GABRG2: variants seen among roughly 807,000 people sequenced by gnomAD.
GABRG2 encodes gamma-aminobutyric acid type A receptor subunit gamma2.
A neutral mutation model predicts 56.4 loss-of-function variants in GABRG2; 16 were observed. That is an observed-to-expected ratio of 0.28 (90% CI 0.19 to 0.43). The LOEUF (loss-of-function observed/expected upper bound fraction) is 0.43. Among genes scored for constraint, GABRG2 ranks in the 20% least tolerant of loss-of-function variants. The probability of loss-of-function intolerance (pLI) is 1.00; values close to 1 mark genes in which losing one functional copy is unlikely to be tolerated. For missense variants in GABRG2, 327 were observed against 582.7 expected, an observed-to-expected ratio of 0.56 and a Z score of 4.52; for synonymous variants, 208 against 205.5, an observed-to-expected ratio of 1.01 and a Z score of -0.10.
intron 8 of GABRG2, 166 bp from the exon 9 acceptor site, chr5:162,151,557 ACTTTATC>A: frequency 1.7e-6 from 1 of 579,450 alleles, no homozygotes; most frequent in Non-Finnish European, 3.0e-6. Context: ...TTAAGCAAAT[ACTTTATC>A]CCAAGCTCAG....
rs1760931144 is a variant in GABRG2 at position 162,095,478 on chromosome 5, T to A, written c.260-17T>A. On this transcript the variant is annotated splice_polypyrimidine_tract_variant and intron_variant, in intron 2 of 9. Transcript: ENST00000639213. Reference sequence around the variant, plus strand: ...GCACCTCTCTATGTGCACACATTTCTATGTTTCTCTTTACAGTGAAGCCAA... The same window carrying A: ...GCACCTCTCTATGTGCACACATTTCAATGTTTCTCTTTACAGTGAAGCCAA... 6.5e-7 allele frequency: 1 copy of A among 1,546,212 alleles called. No homozygotes were observed.
chr5:162,112,136 T>G (rs1369591844), intron 6 of GABRG2, among the ~76,000 whole-genome samples: 1 of 152,228 alleles, frequency 6.6e-6, no homozygotes, highest in South Asian at 2.1e-4. Context: ...TTGTGAAAAC[T>G]TGTTCTTTGA....
chr5:162,141,957 A>C (rs1764599050), intron 6 of GABRG2, among the ~76,000 whole-genome samples: 1 of 152,168 alleles, frequency 6.6e-6, no homozygotes, highest in African/African-American at 2.4e-5. Flanking sequence ...TCTAGTAGAC[A>C]AATTGCTCTA....
Position 162,125,705 on chromosome 5 carries a change from G to A in GABRG2, c.770-16459G>A, listed in dbSNP as rs375820971. Among the ~76,000 whole-genome samples, 581 of 151,760 alleles carry A rather than the reference G, an allele frequency of 3.8e-3. 6 individuals are homozygous for A. The highest frequency in any genetic ancestry group is 0.013 in the African/African-American group (547 of 41,458). ...CAAAGTGGTGGTTTGTCAGATGAAC[G>A]TAATAAAAGACAGGAGAATTGAGGG... On this transcript the variant is annotated intron_variant, in intron 6 of 9. Coordinates refer to ENST00000639213, the MANE Select transcript of GABRG2 (RefSeq NM_198904.4).
Position 162,153,463 on chromosome 5 carries a change from A to G in GABRG2, c.*95A>G, listed in dbSNP as rs2113652184. 7.2e-7 allele frequency: 1 copy of G among 1,383,638 alleles called. No individual in the cohort carries two copies. The highest frequency in any genetic ancestry group is 1.0e-6 in the Non-Finnish European group (1 of 973,988). 85.7% of individuals were successfully genotyped at this position (1,383,638 alleles called of 1,614,324 possible). ...ACTTAAATAATCCTCTATGTGGTTG[A>G]TAATGATCTGAATCTGTTTCTATGT... On this transcript the variant is annotated 3_prime_UTR_variant, in exon 10 of 10. Coordinates refer to ENST00000639213, the MANE Select transcript of GABRG2 (RefSeq NM_198904.4).
At position 162,103,838 on chromosome 5, in the gene GABRG2, A is replaced by G. The variant is rs756312617; in HGVS notation, c.632-51A>G. 1.3e-5 allele frequency: 21 copies of G among 1,601,808 alleles called. No individual in the cohort carries two copies. In the East Asian group the frequency reaches 3.6e-4, roughly 27 times the overall value. On this transcript the variant is annotated intron_variant, in intron 5 of 9. Transcript: ENST00000639213. The stretch of plus-strand genomic sequence containing the variant: ...CATGTTCATAGAAGATGGTTGCTAC[A>G]TATGCTAATTTATAATCATTTTTAA...
rs769160013 is a variant in GABRG2, at chr5:162,093,845, CTGA to C, written c.132_134del (p.Asp45del). On this transcript the variant is annotated inframe_deletion, in exon 2 of 10. Coordinates refer to ENST00000639213, the MANE Select transcript of GABRG2 (RefSeq NM_198904.4). ...TTTCTTAGCTTCACTAGCCAGAAAT[CTGA>C]TGATGACTATGAAGATTATGCTTCT... The C allele has an allele frequency of 6.2e-7, 1 of 1,613,082 alleles. No individual in the cohort carries two copies. Among genetic ancestry groups the C allele is most frequent in the Admixed American group, 1.7e-5 (1 of 59,896 alleles).
At chr5:162,126,742 G>A (rs1193184906) in intron 6 of GABRG2, among the ~76,000 whole-genome samples, 1 of 151,870 alleles carries the variant, frequency 6.6e-6, no homozygotes, top group Non-Finnish European at 1.5e-5. Context: ...AACTCAGGCT[G>A]CCACATGCCC....
intron 1 of GABRG2, among the ~76,000 whole-genome samples, chr5:162,072,810 A>T (rs1005569472): frequency 1.3e-5 from 2 of 148,590 alleles, no homozygotes; most frequent in South Asian, 4.4e-4. Context: ...TGACTTACTT[A>T]AACATAATAG....
chr5:162,115,852 A>G (rs1325735473), intron 6 of GABRG2, among the ~76,000 whole-genome samples: 1 of 152,142 alleles, frequency 6.6e-6, no homozygotes, highest in East Asian at 1.9e-4. Context: ...TAATAATGAT[A>G]ATGATAATAA....
intron 7 of GABRG2, chr5:162,142,690 A>G (rs1764666075): frequency 5.9e-6 from 2 of 341,268 alleles, no homozygotes; most frequent in South Asian, 2.3e-5. Flanking sequence ...ATAGGTGGGA[A>G]TTGAACAATG....
chr5:162,109,045 T>C (rs1441997189), intron 6 of GABRG2, among the ~76,000 whole-genome samples: 2 of 152,106 alleles, frequency 1.3e-5, no homozygotes, highest in South Asian at 2.1e-4. Flanking sequence ...ATATACACCA[T>C]GGAATACTAT....
intron 6 of GABRG2, among the ~76,000 whole-genome samples, chr5:162,119,167 T>C (rs538843639): frequency 6.6e-6 from 1 of 152,246 alleles, no homozygotes; most frequent in East Asian, 1.9e-4. Context: ...AGAATTATCC[T>C]TTCATATTAA....
intron 6 of GABRG2, among the ~76,000 whole-genome samples, chr5:162,107,296 A>G (rs1214171823): frequency 6.6e-6 from 1 of 152,192 alleles, no homozygotes; most frequent in Non-Finnish European, 1.5e-5. Flanking sequence ...ACATTTAACA[A>G]AAATACAAGT....
chr5:162,076,473 G>A (rs1414629009), intron 1 of GABRG2, among the ~76,000 whole-genome samples: 2 of 152,118 alleles, frequency 1.3e-5, no homozygotes, highest in Admixed American at 6.5e-5. Context: ...TTTTGAGAAT[G>A]CCTGTGTAAA....
Position 162,109,356 on chromosome 5 carries a change from C to T in GABRG2, c.769+5330C>T, listed in dbSNP as rs563877241. On this transcript the variant is annotated intron_variant, in intron 6 of 9. Coordinates refer to ENST00000639213, the MANE Select transcript of GABRG2 (RefSeq NM_198904.4). ...TGTATACATATGTAACAAACCTGCACGTTGTGCACATGTACCCTAGAACTT... is the reference window on the plus strand; with the variant it reads ...TGTATACATATGTAACAAACCTGCATGTTGTGCACATGTACCCTAGAACTT... Among the ~76,000 whole-genome samples the T allele has an allele frequency of 1.9e-3, 275 of 143,752 alleles. 2 individuals carry two copies. The highest frequency in any genetic ancestry group is 6.3e-3 in the African/African-American group (240 of 37,890). 94.3% of individuals were successfully genotyped at this position (143,752 alleles called of 152,430 possible). A position where few individuals can be genotyped will look rare whatever the true frequency, so the allele number is the denominator to read the frequency against.
At chr5:162,103,710 T>C (rs1034574202) in intron 5 of GABRG2, 179 bp from the exon 6 acceptor site, 1 of 657,302 alleles carries the variant, frequency 1.5e-6, no homozygotes, top group Non-Finnish European at 2.6e-6. Context: ...TAACTTCCCA[T>C]TAGGATGCAA....
chr5:162,144,647 G>A (rs984772736), intron 7 of GABRG2, among the ~76,000 whole-genome samples: 2 of 152,184 alleles, frequency 1.3e-5, no homozygotes, highest in Non-Finnish European at 2.9e-5. Context: ...GGAAGTAGAG[G>A]TGCTGCAAGG....
intron 6 of GABRG2, among the ~76,000 whole-genome samples, chr5:162,119,378 G>T (rs1381248388): frequency 6.6e-6 from 1 of 152,092 alleles, no homozygotes; most frequent in East Asian, 1.9e-4. Flanking sequence ...GTTACCCAAT[G>T]TTGTAATAAT....
Sources: gnomAD v4.1 joint callset for allele counts (sites outside exome capture counted in the v4.1 genomes callset) on GRCh38, gnomAD v4.1.1 for gene constraint, MANE v1.5 for transcripts, NCBI Gene and HGNC (gene_info 2026-07-23, HGNC 2026-07-21) for gene names.